Variants in SLC35F4 observed in about 807,000 individuals in gnomAD.
SLC35F4 encodes the protein chromosome 14 open reading frame 36.
In SLC35F4, 24 loss-of-function variants were observed where a neutral mutation model predicts 44.2. The observed-to-expected ratio is 0.54, with a 90% CI of 0.39 to 0.76. The LOEUF (loss-of-function observed/expected upper bound fraction) is 0.76, where lower values mean the gene tolerates loss of function less well. Among genes scored for constraint, SLC35F4 ranks in the 30% least tolerant of loss-of-function variants. The pLI is 0.00. For synonymous variants in SLC35F4, 238 were observed against 223.6 expected, an observed-to-expected ratio of 1.06 and a Z score of -0.57; for missense variants, 562 against 586.1, an observed-to-expected ratio of 0.96 and a Z score of 0.42.
chr14:57,735,485 A>G (rs563464124), intron 1 of SLC35F4, among the ~76,000 whole-genome samples: 1 of 152,148 alleles, frequency 6.6e-6, no homozygotes, highest in South Asian at 2.1e-4. Context: ...CCTGATGTCT[A>G]GCAGTTGATG....
In SLC35F4 at chr14:57,586,973, A is replaced by AAAAGTGGGCAAAGGAGATGAATAG. The variant is rs61106122; in HGVS notation, c.587+2242_587+2243insCTATTCATCTCCTTTGCCCACTTT. Among the ~76,000 whole-genome samples the AAAAGTGGGCAAAGGAGATGAATAG allele has an allele frequency of 2.7e-5, 4 of 147,916 alleles. No homozygotes were observed. The South Asian group carries it at 8.5e-4, about 32-fold the overall frequency. On this transcript the variant is annotated intron_variant, in intron 3 of 7. Transcript: ENST00000556826. ...AATTTACAAGAAAAAAAAACCAACA[A>AAAAGTGGGCAAAGGAGATGAATAG]ACACTTCTCAAAAGAAGACGTTTAT...
In SLC35F4 at chr14:57,801,289, A is replaced by AT. The variant is rs576494794; in HGVS notation, c.103+64433dup. On this transcript the variant is annotated intron_variant, in intron 1 of 7. Coordinates refer to ENST00000556826, the MANE Select transcript of SLC35F4 (RefSeq NM_001306087.2). ...ACTAAGCTTCATAAGTGAAGGAGAA[A>AT]TAAGATCCTTTTCAGACAAGCAAAT... is the stretch of plus-strand genomic sequence containing the variant. Among the ~76,000 whole-genome samples, 212 of 152,328 alleles carry AT rather than the reference A, an allele frequency of 1.4e-3. 1 individual carries two copies. The highest frequency in any genetic ancestry group is 0.012 in the South Asian group (57 of 4,820).
At chr14:57,825,187 AAGG>A (rs1883598773) in intron 1 of SLC35F4, among the ~76,000 whole-genome samples, 1 of 152,110 alleles carries the variant, frequency 6.6e-6, no homozygotes. Flanking sequence ...ATTTACAGAC[AAGG>A]AGAAGACCAT....
intron 1 of SLC35F4, among the ~76,000 whole-genome samples, chr14:57,703,897 A>T (rs1200213308): frequency 6.6e-6 from 1 of 152,166 alleles, no homozygotes; most frequent in Non-Finnish European, 1.5e-5. Context: ...CAAAAACAAA[A>T]ACCAGGCTGT....
intron 1 of SLC35F4, among the ~76,000 whole-genome samples, chr14:57,949,985 A>G (rs1890105781): frequency 6.6e-6 from 1 of 152,130 alleles, no homozygotes; most frequent in South Asian, 2.1e-4. Context: ...GACTTTACAT[A>G]TCCTGATGAC....
chr14:57,696,406 G>A (rs1431739276), intron 1 of SLC35F4, among the ~76,000 whole-genome samples: 3 of 152,190 alleles, frequency 2.0e-5, no homozygotes, highest in Non-Finnish European at 2.9e-5. Flanking sequence ...TCATTAAAAA[G>A]TTGGGAAACA....
intron 1 of SLC35F4, among the ~76,000 whole-genome samples, chr14:57,718,384 T>C (rs2075997615): frequency 6.6e-6 from 1 of 152,208 alleles, no homozygotes; most frequent in African/African-American, 2.4e-5. Flanking sequence ...CTGAATTGTA[T>C]GGTAGCTCTA....
intron 1 of SLC35F4, among the ~76,000 whole-genome samples, chr14:57,731,959 C>T (rs2076355009): frequency 6.6e-6 from 1 of 152,088 alleles, no homozygotes; most frequent in African/African-American, 2.4e-5. Flanking sequence ...GAACCTAGAG[C>T]TTTTTAGAAT....
At chr14:57,661,819 A>G (rs2074147507) in intron 1 of SLC35F4, among the ~76,000 whole-genome samples, 1 of 152,214 alleles carries the variant, frequency 6.6e-6, no homozygotes, top group South Asian at 2.1e-4. Context: ...AGGATATCTG[A>G]AGTGGGCTCT....
chr14:57,834,842 A>G lies in SLC35F4; in HGVS notation c.103+30881T>C, dbSNP rs1015620311. ...CGAGACCAGCATGGCCAGCATGGCC[A>G]GCATGGCGAAACCCCATCTCTACTA... On this transcript the variant is annotated intron_variant, in intron 1 of 7. Coordinates refer to ENST00000556826, the MANE Select transcript of SLC35F4 (RefSeq NM_001306087.2). Among the ~76,000 whole-genome samples the G allele has an allele frequency of 2.8e-4, 42 of 152,244 alleles. 1 individual carries two copies. Among genetic ancestry groups the G allele is most frequent in the Non-Finnish European group, 1.2e-4 (8 of 68,048 alleles).
chr14:57,804,705 CACAA>C (rs1439915834), intron 1 of SLC35F4, among the ~76,000 whole-genome samples: 2 of 152,124 alleles, frequency 1.3e-5, no homozygotes, highest in Admixed American at 6.6e-5. Context: ...AGGACATAGG[CACAA>C]ACAAAGGTTT....
intron 7 of SLC35F4, among the ~76,000 whole-genome samples, chr14:57,565,579 T>C (rs1224806132): frequency 3.3e-5 from 5 of 152,192 alleles, no homozygotes; most frequent in African/African-American, 4.8e-5. Flanking sequence ...CAGAAATTCT[T>C]TGTTGGATGA....
At chr14:57,616,403 T>G (rs1236089476) in intron 1 of SLC35F4, among the ~76,000 whole-genome samples, 1 of 152,250 alleles carries the variant, frequency 6.6e-6, no homozygotes, top group African/African-American at 2.4e-5. Flanking sequence ...GATGATTAAC[T>G]GCCCCCTTGG....
At chr14:57,610,439 G>A (rs1486340713) in intron 1 of SLC35F4, among the ~76,000 whole-genome samples, 1 of 152,108 alleles carries the variant, frequency 6.6e-6, no homozygotes, top group African/African-American at 2.4e-5. Context: ...GGTCTGTGAA[G>A]GCAACTGTAC....
At chr14:57,662,716 T>C (rs138873750) in intron 1 of SLC35F4, among the ~76,000 whole-genome samples, 2,116 of 152,272 alleles carry the variant, frequency 0.014, 21 homozygotes, top group Middle Eastern at 0.024. Context: ...CAATAGAAAA[T>C]GGACTAAAAC....
At chr14:57,565,255 G>A (rs902686836) in intron 7 of SLC35F4, among the ~76,000 whole-genome samples, 2 of 152,130 alleles carry the variant, frequency 1.3e-5, no homozygotes, top group African/African-American at 2.4e-5. Context: ...CTCAGGAGTG[G>A]AGTTGTTGGT....
intron 1 of SLC35F4, among the ~76,000 whole-genome samples, chr14:57,831,377 C>CACAG (rs58355409): frequency 0.038 from 5,858 of 152,158 alleles, 243 homozygotes; most frequent in African/African-American, 0.11. Context: ...ATGTTTAAGC[C>CACAG]ACAGAATCTT....
chr14:57,804,318 T>C (rs1464529902), intron 1 of SLC35F4, among the ~76,000 whole-genome samples: 1 of 152,132 alleles, frequency 6.6e-6, no homozygotes, highest in East Asian at 1.9e-4. Context: ...CCAAAGACAG[T>C]CCTAAGCAAA....
intron 1 of SLC35F4, among the ~76,000 whole-genome samples, chr14:57,730,934 T>C (rs1008279185): frequency 6.6e-6 from 1 of 152,190 alleles, no homozygotes; most frequent in African/African-American, 2.4e-5. Context: ...ACACGGCTTC[T>C]CAGAATGCGC....
Sources: gnomAD v4.1 joint callset for allele counts (sites outside exome capture counted in the v4.1 genomes callset) on GRCh38, gnomAD v4.1.1 for gene constraint, MANE v1.5 for transcripts, NCBI Gene and HGNC (gene_info 2026-07-23, HGNC 2026-07-21) for gene names.